ANKRD55: variants seen among roughly 807,000 people sequenced by gnomAD.
The protein encoded by ANKRD55 is ankyrin repeat domain 55.
Under a neutral mutation model 60.6 loss-of-function variants are expected in ANKRD55, and 41 were observed. The observed-to-expected ratio is 0.68, with a 90% CI of 0.53 to 0.88. The LOEUF (loss-of-function observed/expected upper bound fraction) is 0.88, where lower values mean the gene tolerates loss of function less well. Ranked by LOEUF, ANKRD55 falls within the 40% of genes least tolerant of loss-of-function variation. The pLI is 0.00. For missense variants in ANKRD55, 732 were observed against 767.6 expected, an observed-to-expected ratio of 0.95 and a Z score of 0.55; for synonymous variants, 264 against 290.3, an observed-to-expected ratio of 0.91 and a Z score of 0.92.
intron 6 of ANKRD55, among the ~76,000 whole-genome samples, chr5:56,144,940 G>A (rs1757861469): frequency 6.6e-6 from 1 of 152,160 alleles, no homozygotes; most frequent in African/African-American, 2.4e-5. Flanking sequence ...GCCTGATAAA[G>A]GGGGCAAAGG....
intron 9 of ANKRD55, among the ~76,000 whole-genome samples, 159 bp from the exon 10 acceptor site, chr5:56,111,941 A>G (rs1183415484): frequency 6.6e-6 from 1 of 152,112 alleles, no homozygotes; most frequent in Non-Finnish European, 1.5e-5. Context: ...AGTGTGAAGA[A>G]CTCACAGTAC....
rs566840610 is a variant in ANKRD55, at chr5:56,127,574, T to C, written c.613-468A>G. On this transcript the variant is annotated intron_variant, in intron 7 of 11. Coordinates refer to ENST00000341048, the MANE Select transcript of ANKRD55 (RefSeq NM_024669.3). ...ACTGATTGGTGGCGCAGTGATGCAC[T>C]TAAAAAGCTTGTTTCGGGGTAGGGC... 8.6e-5 allele frequency: 85 copies of C among 985,126 alleles called. No individual in the cohort carries two copies. In the African/African-American group the frequency reaches 1.1e-3, roughly 13 times the overall value. 61.0% of individuals were successfully genotyped at this position (985,126 alleles called of 1,614,324 possible).
chr5:56,216,707 C>T (rs770180038), intron 2 of ANKRD55, among the ~76,000 whole-genome samples: 17 of 152,176 alleles, frequency 1.1e-4, no homozygotes, highest in Non-Finnish European at 2.4e-4. Context: ...AAGCCTAATC[C>T]AGAGGAAGCC....
chr5:56,233,172 C>T (rs1321196697), intron 1 of ANKRD55, 69 bp downstream of exon 1: 4 of 451,406 alleles, frequency 8.9e-6, no homozygotes, highest in African/African-American at 4.0e-5. Context: ...AATACACCCT[C>T]CACCCCCAAA....
chr5:56,109,243 G>A (rs1001770368), intron 10 of ANKRD55, among the ~76,000 whole-genome samples: 1 of 152,172 alleles, frequency 6.6e-6, no homozygotes, highest in East Asian at 1.9e-4. Context: ...ATGGAGAGAC[G>A]GTGGAGTGGT....
At chr5:56,225,429 A>C (rs184071099) in intron 2 of ANKRD55, among the ~76,000 whole-genome samples, 8 of 152,338 alleles carry the variant, frequency 5.3e-5, no homozygotes, top group Non-Finnish European at 1.2e-4. Flanking sequence ...GTTACAAGAC[A>C]GGGATGCCCT....
At chr5:56,115,298 G>A (rs1160896530) in intron 9 of ANKRD55, among the ~76,000 whole-genome samples, 1 of 151,292 alleles carries the variant, frequency 6.6e-6, no homozygotes, top group Non-Finnish European at 1.5e-5. Context: ...AATGCAAAGA[G>A]TAGATGTGGA....
At chr5:56,168,879 C>T (rs546845979) in intron 5 of ANKRD55, among the ~76,000 whole-genome samples, 4 of 152,338 alleles carry the variant, frequency 2.6e-5, no homozygotes, top group African/African-American at 9.6e-5. Context: ...TTTTTTGAGA[C>T]GAAGTCTCAC....
intron 3 of ANKRD55, among the ~76,000 whole-genome samples, chr5:56,178,599 G>C (rs1758788298): frequency 6.6e-6 from 1 of 151,382 alleles, no homozygotes; most frequent in Non-Finnish European, 1.5e-5. Flanking sequence ...AATAGGAAAA[G>C]TAACAAAAAA....
At position 56,170,606 on chromosome 5, in the gene ANKRD55, T is replaced by A. The variant is rs867375298; in HGVS notation, c.422+88A>T. The A allele has an allele frequency of 1.9e-5, 19 of 1,021,694 alleles. 1 individual carries two copies. The Middle Eastern group carries it at 2.2e-3, about 117-fold the overall frequency. 63.3% of individuals were successfully genotyped at this position (1,021,694 alleles called of 1,614,324 possible). A position where few individuals can be genotyped will look rare whatever the true frequency, so the allele number is the denominator to read the frequency against. ...AAAGATGGTTTTCTTTTTCTTTTTT[T>A]ATCAGCCACAGAGGGATGGATTAGA... On this transcript the variant is annotated intron_variant, in intron 5 of 11. Coordinates refer to ENST00000341048, the MANE Select transcript of ANKRD55 (RefSeq NM_024669.3).
chr5:56,109,069 AC>A, intron 10 of ANKRD55, among the ~76,000 whole-genome samples: 2 of 151,632 alleles, frequency 1.3e-5, no homozygotes, highest in Non-Finnish European at 2.9e-5. Flanking sequence ...ACACACACAC[AC>A]ACACACACAC....
chr5:56,106,186 G>A (rs76725774), intron 10 of ANKRD55, among the ~76,000 whole-genome samples: 5,686 of 152,204 alleles, frequency 0.037, 147 homozygotes, highest in Middle Eastern at 0.14. Context: ...ACCAAACCCA[G>A]GGCAGGAAAG....
At chr5:56,191,863 A>G (rs1759101744) in intron 2 of ANKRD55, among the ~76,000 whole-genome samples, 1 of 152,236 alleles carries the variant, frequency 6.6e-6, no homozygotes, top group Non-Finnish European at 1.5e-5. Context: ...GAAAGAGCCA[A>G]TCTAAGTTGC....
rs367698877 is a variant in ANKRD55, at chr5:56,205,974, GT to G, written c.59-22341del. ...ATGCATTTTTTTTTCTTTCTTTCTT[GT>G]TTTTTTTTTTTTTCCTGGAGACAGA... is the stretch of plus-strand genomic sequence containing the variant. On this transcript the variant is annotated intron_variant, in intron 2 of 11. Coordinates refer to ENST00000341048, the MANE Select transcript of ANKRD55 (RefSeq NM_024669.3). Among the ~76,000 whole-genome samples the G allele has an allele frequency of 2.0e-3, 274 of 134,882 alleles. 1 individual carries two copies. The highest frequency in any genetic ancestry group is 4.5e-3 in the African/African-American group (162 of 36,122). The allele number at this position is 134,882 out of a possible 152,430, so 88.5% of individuals were successfully genotyped here. A position where few individuals can be genotyped will look rare whatever the true frequency, so the allele number is the denominator to read the frequency against.
At chr5:56,116,042 G>C (rs958970456) in intron 9 of ANKRD55, among the ~76,000 whole-genome samples, 1 of 151,694 alleles carries the variant, frequency 6.6e-6, no homozygotes, top group African/African-American at 2.4e-5. Context: ...TTTAGTAGAG[G>C]TGGGATTTCA....
intron 7 of ANKRD55, among the ~76,000 whole-genome samples, chr5:56,130,538 G>A (rs183001234): frequency 2.6e-5 from 4 of 152,250 alleles, no homozygotes; most frequent in African/African-American, 9.6e-5. Flanking sequence ...CATTACTAAA[G>A]CGCTATTTAC....
At position 56,169,094 on chromosome 5, in the gene ANKRD55, T is replaced by A. The variant is rs570637138; in HGVS notation, c.422+1600A>T. On this transcript the variant is annotated intron_variant, in intron 5 of 11. Transcript: ENST00000341048. ...CTGGTCTTGAACTCCTCACCTCAGGTTATCCATCTGCCTCGGCCTCCCAAA... is the reference window on the plus strand; with the variant it reads ...CTGGTCTTGAACTCCTCACCTCAGGATATCCATCTGCCTCGGCCTCCCAAA... Among the ~76,000 whole-genome samples the A allele has an allele frequency of 1.4e-3, 218 of 152,302 alleles. 1 individual carries two copies. Among genetic ancestry groups the A allele is most frequent in the African/African-American group, 3.8e-3 (159 of 41,570 alleles).
chr5:56,233,119 A>G (rs1760298078), intron 1 of ANKRD55, 122 bp downstream of exon 1: 1 of 598,572 alleles, frequency 1.7e-6, no homozygotes. Context: ...CTGCTAGGAA[A>G]AGAGTTACTC....
intron 2 of ANKRD55, among the ~76,000 whole-genome samples, chr5:56,194,224 G>A (rs1490991820): frequency 1.3e-5 from 2 of 151,228 alleles, no homozygotes; most frequent in African/African-American, 4.9e-5. Context: ...GCTGAGGCAG[G>A]AGAACTGCTT....
Sources: gnomAD v4.1 joint callset for allele counts (sites outside exome capture counted in the v4.1 genomes callset) on GRCh38, gnomAD v4.1.1 for gene constraint, MANE v1.5 for transcripts, NCBI Gene and HGNC (gene_info 2026-07-23, HGNC 2026-07-21) for gene names.